The following CATSPERB variants were observed in gnomAD, a reference collection of about 807,000 sequenced individuals.
CATSPERB encodes the protein cation channel sperm-associated auxiliary subunit beta.
Under a neutral mutation model 128.3 loss-of-function variants are expected in CATSPERB, and 93 were observed. That is an observed-to-expected ratio of 0.72 (90% CI 0.61 to 0.86). The LOEUF (loss-of-function observed/expected upper bound fraction) is 0.86. CATSPERB is among the 40% of genes least tolerant of loss of function. The pLI is 0.00. For missense variants in CATSPERB, 1,153 were observed against 1,329.5 expected, an observed-to-expected ratio of 0.87 and a Z score of 2.06; for synonymous variants, 381 against 448.8, an observed-to-expected ratio of 0.85 and a Z score of 1.91.
intron 18 of CATSPERB, among the ~76,000 whole-genome samples, chr14:91,623,075 A>G (rs1894084586): frequency 6.6e-6 from 1 of 151,894 alleles, no homozygotes; most frequent in African/African-American, 2.4e-5. Flanking sequence ...TTGTATTTTT[A>G]GTAGAGACGG....
chr14:91,725,054 TA>T, intron 3 of CATSPERB, 25 bp downstream of exon 3: 1 of 1,249,958 alleles, frequency 8.0e-7, no homozygotes, highest in Non-Finnish European at 1.1e-6. Flanking sequence ...TGAAGGGTTA[TA>T]ACACATGCTA....
chr14:91,702,703 CACAA>C (rs1895671116), intron 7 of CATSPERB, among the ~76,000 whole-genome samples: 2 of 147,956 alleles, frequency 1.4e-5, no homozygotes, highest in African/African-American at 2.4e-5. Flanking sequence ...CACACACACA[CACAA>C]ACCAAAAACA....
chr14:91,589,375 C>T (rs906524114), intron 24 of CATSPERB, among the ~76,000 whole-genome samples, 159 bp downstream of exon 24: 1 of 152,180 alleles, frequency 6.6e-6, no homozygotes, highest in Non-Finnish European at 1.5e-5. Context: ...AAGTAGGAAA[C>T]AATAGAAGTA....
intron 17 of CATSPERB, among the ~76,000 whole-genome samples, chr14:91,626,359 C>CTTTTTTTTTTTTTTT (rs71120179): frequency 1.3e-5 from 1 of 76,836 alleles, no homozygotes; most frequent in Non-Finnish European, 2.3e-5. Flanking sequence ...AGAGGTGGGA[C>CTTTTTTTTTTTTTTT]TTTTTTTTTT....
chr14:91,583,270 T>G (rs1012381946), intron 26 of CATSPERB, among the ~76,000 whole-genome samples: 3 of 152,036 alleles, frequency 2.0e-5, no homozygotes, highest in African/African-American at 7.2e-5. Context: ...TACAAAAAAT[T>G]TAGCCAGGCA....
chr14:91,620,136 A>G (rs1894015557), intron 19 of CATSPERB, among the ~76,000 whole-genome samples: 1 of 152,108 alleles, frequency 6.6e-6, no homozygotes. Flanking sequence ...TGAATGTGAT[A>G]CAGTCTTGAA....
chr14:91,697,714 C>T (rs1308737700), intron 7 of CATSPERB, among the ~76,000 whole-genome samples: 1 of 152,058 alleles, frequency 6.6e-6, no homozygotes, highest in Non-Finnish European at 1.5e-5. Flanking sequence ...TTTCTGGATC[C>T]TCTATTCTGT....
intron 18 of CATSPERB, among the ~76,000 whole-genome samples, chr14:91,622,482 G>A (rs751708580): frequency 3.8e-4 from 58 of 152,160 alleles, no homozygotes; most frequent in Non-Finnish European, 2.2e-4. Context: ...TCACGGAGAC[G>A]AAGAAGAAAT....
chr14:91,685,638 A>C (rs1388477014), intron 10 of CATSPERB, among the ~76,000 whole-genome samples: 1 of 152,204 alleles, frequency 6.6e-6, no homozygotes, highest in East Asian at 1.9e-4. Flanking sequence ...TGGAGCATGC[A>C]CAGGAGGAGC....
chr14:91,696,067 A>G (rs532001033), intron 7 of CATSPERB, among the ~76,000 whole-genome samples: 1 of 152,368 alleles, frequency 6.6e-6, no homozygotes, highest in African/African-American at 2.4e-5. Flanking sequence ...GCCATCAAGA[A>G]GAAATGCGTA....
At position 91,587,282 on chromosome 14, in the gene CATSPERB, G is replaced by C; in HGVS notation, c.3058-6C>G. 1.3e-6 allele frequency: 2 copies of C among 1,597,236 alleles called. No individual in the cohort carries two copies. On this transcript the variant is annotated splice_region_variant and splice_polypyrimidine_tract_variant and intron_variant, in intron 25 of 26. Transcript: ENST00000256343. ...AAGTGGAAAAGTTCAGAGCCCTGTGGAAAAAAGCACACCCAGTTGTTAGCA... is the reference window on the plus strand; with the variant it reads ...AAGTGGAAAAGTTCAGAGCCCTGTGCAAAAAAGCACACCCAGTTGTTAGCA...
intron 5 of CATSPERB, among the ~76,000 whole-genome samples, chr14:91,718,270 A>G (rs991753850): frequency 1.3e-5 from 2 of 152,238 alleles, no homozygotes; most frequent in Non-Finnish European, 2.9e-5. Context: ...AACGTTGAAT[A>G]AAGGGTAAAG....
Position 91,707,986 on chromosome 14 carries a change from C to T in CATSPERB, c.466+155G>A, listed in dbSNP as rs150471782. 2.4e-3 allele frequency among the ~76,000 whole-genome samples: 361 copies of T among 152,154 alleles called. 2 individuals are homozygous for T. The highest frequency in any genetic ancestry group is 4.3e-3 in the Admixed American group (66 of 15,264). The stretch of plus-strand genomic sequence containing the variant: ...ACATGTATTTAATTCTTTATCCTAT[C>T]AGATTGTGAGTGCCTCAAGGGTCAT... On this transcript the variant is annotated intron_variant, in intron 6 of 26. Transcript: ENST00000256343.
chr14:91,608,511 G>A, intron 21 of CATSPERB, 107 bp from the exon 22 acceptor site: 1 of 702,570 alleles, frequency 1.4e-6, no homozygotes, highest in Non-Finnish European at 2.4e-6. Context: ...TCAATTTTTA[G>A]CTACAGGTAT....
intron 15 of CATSPERB, among the ~76,000 whole-genome samples, chr14:91,641,436 G>A (rs1028702162): frequency 6.6e-6 from 1 of 152,008 alleles, no homozygotes; most frequent in Non-Finnish European, 1.5e-5. Context: ...AAGGGATCCA[G>A]TTTCCCCAGT....
chr14:91,626,434 AG>A (rs1894163329), intron 17 of CATSPERB, among the ~76,000 whole-genome samples: 1 of 130,510 alleles, frequency 7.7e-6, no homozygotes, highest in Non-Finnish European at 1.5e-5. Flanking sequence ...GCGCCATCTC[AG>A]CTCACTGCAA....
chr14:91,652,445 G>C (rs931137022), intron 15 of CATSPERB, among the ~76,000 whole-genome samples: 1 of 151,508 alleles, frequency 6.6e-6, no homozygotes, highest in African/African-American at 2.4e-5. Flanking sequence ...GATCATTTGA[G>C]GTCAGGAGTT....
intron 17 of CATSPERB, 47 bp from the exon 18 acceptor site, chr14:91,625,054 T>A: frequency 1.8e-6 from 2 of 1,129,774 alleles, no homozygotes; most frequent in Non-Finnish European, 2.5e-6. Context: ...AACAGTGGAT[T>A]AAATGAACCA....
Position 91,592,005 on chromosome 14 carries a change from G to A in CATSPERB, c.2710-3C>T, listed in dbSNP as rs371405022. ...CACTGTTTGAATTTACCGGTTTTCT[G>A]CAAATAGAAGTAACAGATGTTGACT... On this transcript the variant is annotated splice_polypyrimidine_tract_variant and splice_region_variant and intron_variant, in intron 22 of 26. Transcript: ENST00000256343. The A allele has an allele frequency of 3.1e-5, 49 of 1,585,866 alleles. No individual in the cohort carries two copies. Among genetic ancestry groups the A allele is most frequent in the Non-Finnish European group, 4.0e-5 (46 of 1,154,648 alleles).
Sources: allele counts gnomAD v4.1 joint callset (sites outside exome capture counted in the v4.1 genomes callset), GRCh38; gene constraint gnomAD v4.1.1; transcripts MANE v1.5; gene names NCBI Gene and HGNC (gene_info 2026-07-23, HGNC 2026-07-21).